The following KIF7 variants were observed in gnomAD, a reference collection of about 807,000 sequenced individuals.
KIF7 encodes the protein kinesin-like protein KIF7.
KIF7 carries 104 observed loss-of-function variants against 135.7 expected under a neutral mutation model. The ratio of observed to expected loss-of-function variants is 0.77; its 90% CI spans 0.65 to 0.90. The LOEUF (loss-of-function observed/expected upper bound fraction) is 0.90, where lower values mean the gene tolerates loss of function less well. Among genes scored for constraint, KIF7 ranks in the 40% least tolerant of loss-of-function variants. KIF7 has a pLI of 0.00. For missense variants in KIF7, 2,005 were observed against 1,839.1 expected, an observed-to-expected ratio of 1.09 and a Z score of -1.65; for synonymous variants, 883 against 809.4, an observed-to-expected ratio of 1.09 and a Z score of -1.54.
At chr15:89,647,119 A>G in intron 6 of KIF7, 62 bp from the exon 7 acceptor site, 1 of 1,429,804 alleles carries the variant, frequency 7.0e-7, no homozygotes, top group Non-Finnish European at 9.5e-7. Context: ...GAGTGTAGGA[A>G]ACTGAGGAAC....
intron 6 of KIF7, 58 bp downstream of exon 6, chr15:89,647,538 G>T: frequency 2.1e-6 from 3 of 1,462,820 alleles, no homozygotes; most frequent in Non-Finnish European, 2.9e-6. Context: ...ACTCAGCTCT[G>T]CCTTCCCTTC....
At chr15:89,635,874 T>G (rs981617206) in intron 11 of KIF7, among the ~76,000 whole-genome samples, 3 of 152,006 alleles carry the variant, frequency 2.0e-5, no homozygotes, top group Non-Finnish European at 4.4e-5. Context: ...GACACATAAT[T>G]GTCAGATTCA....
In KIF7 at chr15:89,637,409, T is replaced by A. The variant is rs1425724240; in HGVS notation, c.2395-3526A>T. 4.0e-5 allele frequency among the ~76,000 whole-genome samples: 6 copies of A among 151,044 alleles called. No homozygotes were observed. The South Asian group carries it at 1.1e-3, about 27-fold the overall frequency. ...TCCAGGAGCTGGTTTTTTGAAAGGA[T>A]CAACAAAATTGATAGACCACTAGCA... On this transcript the variant is annotated intron_variant, in intron 11 of 18. Transcript: ENST00000394412.
At chr15:89,627,227 TC>T (rs1211050821), downstream of KIF7, 1 of 1,002,778 alleles carries the variant, frequency 1.0e-6, no homozygotes, top group Non-Finnish European at 1.4e-6. Context: ...GTTTTCTAAT[TC>T]CCCTTATGGA....
Position 89,633,232 on chromosome 15 carries a change from A to T in KIF7, c.2627T>A (p.Ile876Asn). ...GATCTCTTCCGTCTTAATCTTCAGG[A>T]TCTTCTGCTGTTGCTCATGCTTCAG... ...LELKHEQQQK[I>N]LKIKTEEIAA... The change falls in exon 13 of 19, where the codon ATC becomes AAC. Residue 876 changes from isoleucine to asparagine, a missense_variant. Coordinates refer to ENST00000394412, the MANE Select transcript of KIF7 (RefSeq NM_198525.3). 1 of 1,586,784 alleles carries T rather than the reference A, an allele frequency of 6.3e-7. No individual in the cohort carries two copies.
At chr15:89,622,455 C>G (rs1183439730) in intron 1 of KIF7, among the ~76,000 whole-genome samples, 1 of 152,160 alleles carries the variant, frequency 6.6e-6, no homozygotes, top group Non-Finnish European at 1.5e-5. Flanking sequence ...TTAAAATGTT[C>G]ACTTTGCTTA....
chr15:89,643,673 T>G (rs1832983683), intron 10 of KIF7, among the ~76,000 whole-genome samples: 1 of 152,056 alleles, frequency 6.6e-6, no homozygotes. Context: ...GATCACGAGG[T>G]CAAGAGATCG....
chr15:89,622,927 T>A (rs1963450492), intron 1 of KIF7, among the ~76,000 whole-genome samples: 1 of 152,214 alleles, frequency 6.6e-6, no homozygotes, highest in Non-Finnish European at 1.5e-5. Context: ...CATGTCCCTG[T>A]CACTGCACCA....
At position 89,633,695 on chromosome 15, in the gene KIF7, G is replaced by T; in HGVS notation, c.2583C>A (p.His861Gln). The change falls in exon 12 of 19, where the codon CAC (histidine) becomes CAA (glutamine). Residue 861 changes from histidine to glutamine, a missense_variant. Coordinates refer to ENST00000394412, the MANE Select transcript of KIF7 (RefSeq NM_198525.3). Reference protein sequence around the residue: ...RLEAEMSKRQHRVKELELKHE... With the variant: ...RLEAEMSKRQQRVKELELKHE... ...CTGCCGTGAGCCTGACCTTGACGCG[G>T]TGCTGCCGCTTGCTCATTTCTGCCT... The T allele has an allele frequency of 6.2e-7, 1 of 1,607,254 alleles. No individual in the cohort carries two copies. Among genetic ancestry groups the T allele is most frequent in the Non-Finnish European group, 8.5e-7 (1 of 1,179,796 alleles).
downstream of KIF7, chr15:89,625,182 C>T (rs769957323): frequency 6.2e-6 from 10 of 1,613,702 alleles, no homozygotes; most frequent in East Asian, 2.0e-4. Context: ...ATGTGTCACC[C>T]CCCTGCCCCC....
At chr15:89,651,324 T>G (rs1216744384) in intron 2 of KIF7, among the ~76,000 whole-genome samples, 1 of 152,012 alleles carries the variant, frequency 6.6e-6, no homozygotes, top group Non-Finnish European at 1.5e-5. Context: ...GGTCTTGATC[T>G]CCTGACCTCA....
At chr15:89,660,106 G>A (rs1014082157), upstream of KIF7, among the ~76,000 whole-genome samples, 1 of 152,176 alleles carries the variant, frequency 6.6e-6, no homozygotes, top group African/African-American at 2.4e-5. Context: ...GCTGAGGCAG[G>A]AAAATCGCTT....
Position 89,631,599 on chromosome 15 carries a change from T to C in KIF7, c.3007A>G (p.Ile1003Val). 6.4e-7 allele frequency: 1 copy of C among 1,563,010 alleles called. No individual in the cohort carries two copies. The highest frequency in any genetic ancestry group is 8.7e-7 in the Non-Finnish European group (1 of 1,152,708). Residue 1003 changes from isoleucine (I) to valine (V), a missense_variant, in exon 15 of 19, where the codon ATC (isoleucine) becomes GTC (valine). Physicochemically the swap from Ile to Val is conservative, Grantham distance 29. Coordinates refer to ENST00000394412, the MANE Select transcript of KIF7 (RefSeq NM_198525.3). ...RQGSAQSQQQ[I>V]RGEIDSLRQE... ...CGCAGGCTGTCGATCTCCCCGCGGA[T>C]CTGCTGCTGGCTCTGGGCGCTGCCC... is the stretch of plus-strand genomic sequence containing the variant.
chr15:89,649,613 GCAAAACCTCC>G lies in KIF7; in HGVS notation c.529+118_529+127del, dbSNP rs543215798. The G allele has an allele frequency of 2.4e-4, 274 of 1,156,642 alleles. No homozygotes were observed. In the South Asian group the frequency reaches 4.1e-3, roughly 17 times the overall value. 71.6% of individuals were successfully genotyped at this position (1,156,642 alleles called of 1,614,324 possible). ...AACTCAGTGGAGGCAAGAAGCTAAA[GCAAAACCTCC>G]CAGGGCTTGGGTTTTCCATGAGGAG... On this transcript the variant is annotated intron_variant, in intron 3 of 18. Transcript: ENST00000394412.
chr15:89,645,470 A>T lies in KIF7; in HGVS notation c.1923-19T>A. On this transcript the variant is annotated intron_variant, in intron 8 of 18. Coordinates refer to ENST00000394412, the MANE Select transcript of KIF7 (RefSeq NM_198525.3). ...CCTATTTCTGGAGGACAGAAGCAGG[A>T]GGCCATGCTCCTCCCCAGCCCCTGC... 1 of 1,585,248 alleles carries T rather than the reference A, an allele frequency of 6.3e-7. No homozygotes were observed. The highest frequency in any genetic ancestry group is 8.6e-7 in the Non-Finnish European group (1 of 1,160,132).
intron 17 of KIF7, 60 bp from the exon 18 acceptor site, chr15:89,629,182 G>A: frequency 7.6e-7 from 1 of 1,307,210 alleles, no homozygotes; most frequent in Non-Finnish European, 1.1e-6. Context: ...GGCGGCCAGG[G>A]CTGTGGGGGT....
At position 89,622,205 on chromosome 15, in the gene KIF7, C is replaced by T. The variant is rs557663382; in HGVS notation, c.181-4010G>A. 2.0e-4 allele frequency among the ~76,000 whole-genome samples: 30 copies of T among 152,106 alleles called. 1 individual carries two copies. In the South Asian group the frequency reaches 5.8e-3, roughly 29 times the overall value. ...TTCACCATGTTGGCCAGGCTGGTCTCGAACTCCTGACCTCAAGTGATCCAC... is the reference window on the plus strand; with the variant it reads ...TTCACCATGTTGGCCAGGCTGGTCTTGAACTCCTGACCTCAAGTGATCCAC... On this transcript the variant is annotated intron_variant and NMD_transcript_variant, in intron 1 of 2. Coordinates refer to the KIF7 transcript ENST00000558928.
upstream of KIF7, among the ~76,000 whole-genome samples, chr15:89,658,786 C>G (rs1316920122): frequency 6.6e-6 from 1 of 152,002 alleles, no homozygotes; most frequent in African/African-American, 2.4e-5. Context: ...ATAGCTCGAG[C>G]CCGAGAGGTC....
exon 2 of KIF7, chr15:89,618,124 G>A (rs2289486): frequency 0.9 from 1,454,781 of 1,611,494 alleles, 659,283 homozygotes; most frequent in African/African-American, 0.96. Context: ...GTGGTATGGA[G>A]TAATCCTTGT....
Sources: gnomAD v4.1 joint callset for allele counts (sites outside exome capture counted in the v4.1 genomes callset) on GRCh38, gnomAD v4.1.1 for gene constraint, MANE v1.5 for transcripts, NCBI Gene and HGNC (gene_info 2026-07-23, HGNC 2026-07-21) for gene names.